MARK1: variants seen among roughly 807,000 people sequenced by gnomAD.
MARK1 encodes the protein serine/threonine-protein kinase MARK1.
MARK1 carries 40 observed loss-of-function variants against 96.3 expected under a neutral mutation model. The ratio of observed to expected loss-of-function variants is 0.42; its 90% CI spans 0.32 to 0.54. The LOEUF (loss-of-function observed/expected upper bound fraction) is 0.54, where lower values mean the gene tolerates loss of function less well. MARK1 is among the 20% of genes least tolerant of loss of function. The pLI is 0.16. For missense variants in MARK1, 719 were observed against 984.6 expected (o/e 0.73, Z 3.61); for synonymous variants, 317 against 341.2 (o/e 0.93, Z 0.78).
At chr1:220,648,066 A>G (rs1436422170) in intron 13 of MARK1, among the ~76,000 whole-genome samples, 5 of 142,630 alleles carry the variant, frequency 3.5e-5, no homozygotes, top group Non-Finnish European at 6.1e-5. Flanking sequence ...TTAAAAATTA[A>G]AAAAAAAAAA....
intron 3 of MARK1, among the ~76,000 whole-genome samples, chr1:220,592,064 A>G (rs1286657827): frequency 1.3e-5 from 2 of 151,770 alleles, no homozygotes; most frequent in Non-Finnish European, 2.9e-5. Context: ...TAAAATTTGT[A>G]TTGGACAGAC....
At chr1:220,644,534 A>AT (rs770257353) in intron 13 of MARK1, among the ~76,000 whole-genome samples, 1 of 149,436 alleles carries the variant, frequency 6.7e-6, no homozygotes, top group Non-Finnish European at 1.5e-5. Context: ...GAGACAGAAG[A>AT]TTAACAAGAT....
intron 1 of MARK1, among the ~76,000 whole-genome samples, chr1:220,537,992 T>C (rs1450147561): frequency 6.6e-6 from 1 of 152,232 alleles, no homozygotes; most frequent in East Asian, 1.9e-4. Context: ...TATTAGCCTT[T>C]TGTCAGATGA....
intron 1 of MARK1, among the ~76,000 whole-genome samples, chr1:220,577,701 G>GTATC (rs1443884669): frequency 6.6e-6 from 1 of 152,176 alleles, no homozygotes; most frequent in African/African-American, 2.4e-5. Flanking sequence ...TCCTTCCTGT[G>GTATC]TATCTGGCAG....
chr1:220,554,219 C>T (rs1403778108), intron 1 of MARK1, among the ~76,000 whole-genome samples: 1 of 152,148 alleles, frequency 6.6e-6, no homozygotes, highest in Non-Finnish European at 1.5e-5. Flanking sequence ...CTAAAGTAGT[C>T]ATTACTTCCT....
intron 1 of MARK1, among the ~76,000 whole-genome samples, chr1:220,544,190 A>G (rs946729696): frequency 6.6e-6 from 1 of 152,208 alleles, no homozygotes; most frequent in African/African-American, 2.4e-5. Context: ...GTTAACAATA[A>G]AGTGGGAAGG....
chr1:220,529,025 C>T, intron 1 of MARK1, 152 bp downstream of exon 1: 1 of 694,866 alleles, frequency 1.4e-6, no homozygotes. Flanking sequence ...ACCCACTGCT[C>T]AGCCCTATTC....
At chr1:220,563,229 C>T (rs1662792205) in intron 1 of MARK1, among the ~76,000 whole-genome samples, 1 of 151,910 alleles carries the variant, frequency 6.6e-6, no homozygotes, top group South Asian at 2.1e-4. Flanking sequence ...TTTGGCAAAT[C>T]GTAAATACAA....
At chr1:220,635,745 G>A (rs1667924451) in intron 12 of MARK1, 88 bp from the exon 13 acceptor site, 1 of 1,246,052 alleles carries the variant, frequency 8.0e-7, no homozygotes, top group African/African-American at 1.5e-5. Context: ...TGCAAATATG[G>A]ATAATTTTAA....
chr1:220,616,641 A>G (rs1440023211), intron 7 of MARK1, among the ~76,000 whole-genome samples: 1 of 151,924 alleles, frequency 6.6e-6, no homozygotes, highest in Non-Finnish European at 1.5e-5. Flanking sequence ...ATCAACTACT[A>G]TCACCAGTTT....
At chr1:220,540,876 T>A (rs75805948) in intron 1 of MARK1, among the ~76,000 whole-genome samples, 9,537 of 152,230 alleles carry the variant, frequency 0.063, 350 homozygotes, top group Middle Eastern at 0.14. Flanking sequence ...TTGACTTAGT[T>A]TGCTCTTCTT....
At position 220,604,143 on chromosome 1, in the gene MARK1, G is replaced by A. The variant is rs565163687; in HGVS notation, c.495+6G>A. On this transcript the variant is annotated splice_donor_region_variant and intron_variant, in intron 6 of 17. Transcript: ENST00000366917. ...CCCGTGCAAAATTTAGGCAGGTATG[G>A]AAAGTAGTTTTCAACTTTGTTTTGC... is the stretch of plus-strand genomic sequence containing the variant. 6.2e-7 allele frequency: 1 copy of A among 1,602,406 alleles called. No homozygotes were observed. The highest frequency in any genetic ancestry group is 2.2e-5 in the East Asian group (1 of 44,620).
At chr1:220,558,802 G>A (rs1662469176) in intron 1 of MARK1, among the ~76,000 whole-genome samples, 1 of 151,962 alleles carries the variant, frequency 6.6e-6, no homozygotes, top group South Asian at 2.1e-4. Context: ...ACTTGAACAA[G>A]CAAAATAAGT....
chr1:220,585,799 A>G (rs1664559714), intron 3 of MARK1, among the ~76,000 whole-genome samples: 1 of 152,186 alleles, frequency 6.6e-6, no homozygotes, highest in Admixed American at 6.5e-5. Flanking sequence ...TACCTGAAAC[A>G]TTACCTAATG....
chr1:220,579,128 C>T (rs1422115507), intron 1 of MARK1, among the ~76,000 whole-genome samples: 1 of 152,162 alleles, frequency 6.6e-6, no homozygotes, highest in Non-Finnish European at 1.5e-5. Context: ...AGGCATGAGC[C>T]ACCACCATGC....
chr1:220,590,672 G>A (rs956910232), intron 3 of MARK1, among the ~76,000 whole-genome samples: 1 of 152,128 alleles, frequency 6.6e-6, no homozygotes, highest in Non-Finnish European at 1.5e-5. Context: ...ATGCTTGATG[G>A]AATAGGAATC....
chr1:220,545,523 G>A (rs925178526), intron 1 of MARK1, among the ~76,000 whole-genome samples: 15 of 145,618 alleles, frequency 1.0e-4, no homozygotes, highest in African/African-American at 3.9e-4. Flanking sequence ...TGCAGTCTTG[G>A]CCTTCCGGGT....
intron 11 of MARK1, among the ~76,000 whole-genome samples, chr1:220,633,293 T>C (rs1368478566): frequency 6.6e-6 from 1 of 152,122 alleles, no homozygotes; most frequent in African/African-American, 2.4e-5. Context: ...AATGATTCTT[T>C]AGGAAAACAA....
Position 220,615,947 on chromosome 1 carries a change from T to C in MARK1, c.504T>C (p.Ser168=). ...EARAKFRQIV[S]AVQYCHQKYI... ...CCAAATGTTTATTCCAGATTGTATCTGCTGTACAGTATTGTCATCAAAAGT... is the reference window on the plus strand; with the variant it reads ...CCAAATGTTTATTCCAGATTGTATCCGCTGTACAGTATTGTCATCAAAAGT... The change falls in exon 7 of 18, where the codon TCT becomes TCC. Residue 168 remains serine (S), a synonymous_variant. Coordinates refer to ENST00000366917, the MANE Select transcript of MARK1 (RefSeq NM_018650.5). 1 of 1,550,892 alleles carries C rather than the reference T, an allele frequency of 6.4e-7. No individual in the cohort carries two copies.
Sources: gnomAD v4.1 joint callset for allele counts (sites outside exome capture counted in the v4.1 genomes callset) on GRCh38, gnomAD v4.1.1 for gene constraint, MANE v1.5 for transcripts, NCBI Gene and HGNC (gene_info 2026-07-23, HGNC 2026-07-21) for gene names.